SEMA6A: variants seen among roughly 807,000 people sequenced by gnomAD.
SEMA6A encodes semaphorin 6A.
SEMA6A carries 25 observed loss-of-function variants against 96.8 expected under a neutral mutation model. The ratio of observed to expected loss-of-function variants is 0.26; its 90% confidence interval spans 0.19 to 0.36. The LOEUF (loss-of-function observed/expected upper bound fraction) is 0.36. Among genes scored for constraint, SEMA6A ranks in the 10% least tolerant of loss-of-function variants. The probability of loss-of-function intolerance (pLI) is 1.00; values close to 1 mark genes in which losing one functional copy is unlikely to be tolerated. For synonymous variants in SEMA6A, 612 were observed against 518.0 expected, an observed-to-expected ratio of 1.18 and a Z score of -2.46; for missense variants, 1,363 against 1,323.1, an observed-to-expected ratio of 1.03 and a Z score of -0.47.
intron 1 of SEMA6A, among the ~76,000 whole-genome samples, chr5:116,560,376 G>A (rs544167400): frequency 1.3e-5 from 2 of 152,090 alleles, no homozygotes; most frequent in African/African-American, 2.4e-5. Flanking sequence ...CTAGTTCATC[G>A]CTGCATCTCT....
chr5:116,501,927 A>G (rs1331583415), intron 3 of SEMA6A, among the ~76,000 whole-genome samples: 1 of 152,196 alleles, frequency 6.6e-6, no homozygotes, highest in African/African-American at 2.4e-5. Context: ...AGAGCATTCT[A>G]ATGGGTGCTT....
At chr5:116,513,408 T>TGA (rs1758512426) in intron 1 of SEMA6A, among the ~76,000 whole-genome samples, 1 of 152,172 alleles carries the variant, frequency 6.6e-6, no homozygotes, top group Non-Finnish European at 1.5e-5. Context: ...AGTACAGGTG[T>TGA]GAGCCACCGT....
intron 17 of SEMA6A, among the ~76,000 whole-genome samples, chr5:116,470,393 G>C (rs556376557): frequency 1.3e-5 from 2 of 152,268 alleles, no homozygotes; most frequent in Admixed American, 6.5e-5. Context: ...CAATAAGAAA[G>C]GTCACCTTTT....
chr5:116,504,939 C>A lies in SEMA6A; in HGVS notation c.6G>T (p.Arg2Ser). 2 of 1,591,710 alleles carry A rather than the reference C, an allele frequency of 1.3e-6. No individual in the cohort carries two copies. Among genetic ancestry groups the A allele is most frequent in the Non-Finnish European group, 1.7e-6 (2 of 1,168,094 alleles). The change falls in exon 2 of 19, where the codon AGG becomes AGT. Residue 2 changes from arginine to serine, a missense_variant. By Grantham distance (110) the Arg-to-Ser change is moderately radical. This residue lies in a region of SEMA6A where 480 missense variants were observed against 559.5 expected (regional missense o/e 0.86). Coordinates refer to ENST00000343348, the MANE Select transcript of SEMA6A (RefSeq NM_020796.5). Reference protein sequence around the residue: MRSEALLLYFTL... With the variant: MSSEALLLYFTL... ...TGAAATATAGCAGCAAGGCTTCTGACCTCATAGTAGTTCAGCGGGGAGACT... is the reference window on the plus strand; with the variant it reads ...TGAAATATAGCAGCAAGGCTTCTGAACTCATAGTAGTTCAGCGGGGAGACT...
chr5:116,526,875 A>T (rs941877170), intron 1 of SEMA6A, among the ~76,000 whole-genome samples: 27 of 152,194 alleles, frequency 1.8e-4, no homozygotes, highest in African/African-American at 6.3e-4. Flanking sequence ...TCTTACAGTA[A>T]CACAGCAGTT....
intron 1 of SEMA6A, among the ~76,000 whole-genome samples, chr5:116,514,646 G>C (rs1284554066): frequency 1.3e-5 from 2 of 152,166 alleles, no homozygotes; most frequent in African/African-American, 4.8e-5. Context: ...CAGCAGCTGA[G>C]AACTCCTGAC....
chr5:116,538,090 G>C (rs1379531038), intron 1 of SEMA6A, among the ~76,000 whole-genome samples: 2 of 152,160 alleles, frequency 1.3e-5, no homozygotes, highest in Admixed American at 1.3e-4. Context: ...CAGGGGAATC[G>C]CTTGAACCCG....
Position 116,447,013 on chromosome 5 carries a change from G to T in SEMA6A, c.2693C>A (p.Thr898Asn), listed in dbSNP as rs1170042159. The change falls in exon 19 of 19, where the codon ACC becomes AAC. Residue 898 changes from threonine (T) to asparagine (N), a missense_variant. Around this residue, in one of 2 missense-constraint regions of SEMA6A, gnomAD observed 883 missense variants for 763.6 expected, o/e 1.16. Coordinates refer to ENST00000343348, the MANE Select transcript of SEMA6A (RefSeq NM_020796.5). ...LGPPGASLSQ[T>N]GLSKRLEMHH... ...CATTTCCAGCCGCTTGCTTAGACCG[G>T]TCTGAGACAGGGAGGCTCCCGGGGG... 6.2e-7 allele frequency: 1 copy of T among 1,613,932 alleles called. No individual in the cohort carries two copies. The highest frequency in any genetic ancestry group is 2.2e-5 in the East Asian group (1 of 44,840).
At chr5:116,514,678 C>G (rs1475156208) in intron 1 of SEMA6A, among the ~76,000 whole-genome samples, 2 of 152,222 alleles carry the variant, frequency 1.3e-5, no homozygotes, top group Non-Finnish European at 2.9e-5. Flanking sequence ...AGCTCTTTCC[C>G]TGCCTTATGC....
rs766446230 is a variant in SEMA6A, at chr5:116,447,750, G to A, written c.1956C>T (p.Ala652=). The A allele has an allele frequency of 6.2e-7, 1 of 1,613,010 alleles. No individual in the cohort carries two copies. Among genetic ancestry groups the A allele is most frequent in the South Asian group, 1.1e-5 (1 of 91,062 alleles). Residue 652 remains alanine (A), a synonymous_variant, in exon 19 of 19, where the codon GCC becomes GCT. Coordinates refer to ENST00000343348, the MANE Select transcript of SEMA6A (RefSeq NM_020796.5). The part of the protein sequence containing the change: ...HDQLVPVTLL[A]IAVILAFVMG... ...TGACGAAAGCCAGGATGACTGCAAT[G>A]GCCAAGAGGGTGACGGGAACCAGCT...
At chr5:116,569,370 A>G (rs1761123038) in intron 1 of SEMA6A, among the ~76,000 whole-genome samples, 1 of 152,204 alleles carries the variant, frequency 6.6e-6, no homozygotes, top group East Asian at 1.9e-4. Flanking sequence ...GACAGATTCA[A>G]GCAAGCCCAA....
chr5:116,538,733 AAAAT>A (rs751295433), intron 1 of SEMA6A, among the ~76,000 whole-genome samples: 8 of 152,184 alleles, frequency 5.3e-5, no homozygotes, highest in Non-Finnish European at 1.2e-4. Flanking sequence ...TTCTAATGAT[AAAAT>A]AAATAAATAA....
chr5:116,529,610 C>T (rs1759373910), intron 1 of SEMA6A, among the ~76,000 whole-genome samples: 1 of 152,118 alleles, frequency 6.6e-6, no homozygotes, highest in South Asian at 2.1e-4. Flanking sequence ...AGGATTAAAA[C>T]TCAGTTTTCA....
At chr5:116,516,264 GTATC>G (rs145510233) in intron 1 of SEMA6A, among the ~76,000 whole-genome samples, 10,913 of 152,188 alleles carry the variant, frequency 0.072, 444 homozygotes, top group Admixed American at 0.11. Context: ...CATCAGTAAA[GTATC>G]TATATACACA....
chr5:116,449,374 T>G (rs1164378825), intron 18 of SEMA6A: 5 of 702,314 alleles, frequency 7.1e-6, no homozygotes, highest in Non-Finnish European at 1.3e-5. Context: ...TTCTGGAATA[T>G]GTTTCATGTA....
chr5:116,483,376 A>G (rs1756886949), intron 10 of SEMA6A, among the ~76,000 whole-genome samples: 1 of 152,174 alleles, frequency 6.6e-6, no homozygotes. Flanking sequence ...GATTTTGATC[A>G]AATAAATTAC....
At chr5:116,559,711 C>A (rs1216704165) in intron 1 of SEMA6A, among the ~76,000 whole-genome samples, 1 of 152,184 alleles carries the variant, frequency 6.6e-6, no homozygotes, top group African/African-American at 2.4e-5. Flanking sequence ...GGTTCCTGTC[C>A]TGGCCAATGC....
chr5:116,462,539 T>C (rs1398517268), intron 18 of SEMA6A, among the ~76,000 whole-genome samples: 1 of 152,206 alleles, frequency 6.6e-6, no homozygotes, highest in African/African-American at 2.4e-5. Context: ...GGCTAATTTC[T>C]TATTAGTCTA....
In SEMA6A at chr5:116,447,482, G is replaced by C. The variant is rs967259432; in HGVS notation, c.2224C>G (p.Leu742Val). Reference sequence around the variant, plus strand: ...AGGTGGTGCTGGTCTGCTTTAATGAGCATCTTGGCCGTGTTGCCGGGAGTG... The same window carrying C: ...AGGTGGTGCTGGTCTGCTTTAATGACCATCTTGGCCGTGTTGCCGGGAGTG... ...LATPGNTAKMLIKADQHHLDL... is the reference protein window; with the variant it reads ...LATPGNTAKMVIKADQHHLDL... The change falls in exon 19 of 19, where the codon CTC becomes GTC. Residue 742 changes from leucine to valine, a missense_variant. By Grantham distance (32) the Leu-to-Val change is conservative. Around this residue, in one of 2 missense-constraint regions of SEMA6A, gnomAD observed 883 missense variants for 763.6 expected, o/e 1.16. Transcript: ENST00000343348. 2 of 1,613,972 alleles carry C rather than the reference G, an allele frequency of 1.2e-6. No individual in the cohort carries two copies. The highest frequency in any genetic ancestry group is 1.7e-6 in the Non-Finnish European group (2 of 1,179,912).
Sources: allele counts gnomAD v4.1 joint callset (sites outside exome capture counted in the v4.1 genomes callset), GRCh38; gene constraint gnomAD v4.1.1; regional missense constraint gnomAD v4.1.1; transcripts MANE v1.5; gene names NCBI Gene and HGNC (gene_info 2026-07-23, HGNC 2026-07-21).